Variants in SLIT3 observed in about 807,000 individuals in gnomAD.
SLIT3 encodes the protein slit homolog 3 protein.
Under a neutral mutation model 184.0 loss-of-function variants are expected in SLIT3, and 68 were observed. The observed-to-expected ratio is 0.37, with a 90% CI of 0.30 to 0.45. The LOEUF (loss-of-function observed/expected upper bound fraction) is 0.45. SLIT3 is among the 20% of genes least tolerant of loss of function. The pLI is 1.00. For missense variants in SLIT3, 1,707 were observed against 2,026.0 expected (o/e 0.84, Z 3.02); for synonymous variants, 831 against 828.6 (o/e 1.00, Z -0.05).
chr5:169,202,921 C>T lies in SLIT3; in HGVS notation c.342-9371G>A, dbSNP rs189938334. On this transcript the variant is annotated intron_variant, in intron 3 of 35. Transcript: ENST00000519560. ...AATGTAGAGTACATAATGGCCTGAG[C>T]CTGCCTTGCCTCTGACCCCTGCCCT... Among the ~76,000 whole-genome samples, 1,111 of 152,178 alleles carry T rather than the reference C, an allele frequency of 7.3e-3. 3 individuals carry two copies. The highest frequency in any genetic ancestry group is 0.012 in the Non-Finnish European group (819 of 68,020).
chr5:168,816,585 T>C (rs1757340703), intron 8 of SLIT3, among the ~76,000 whole-genome samples: 1 of 152,218 alleles, frequency 6.6e-6, no homozygotes, highest in South Asian at 2.1e-4. Flanking sequence ...GTTATGTGTC[T>C]GCATCATTCT....
chr5:168,806,590 G>A lies in SLIT3; in HGVS notation c.794-3C>T. The A allele has an allele frequency of 6.2e-7, 1 of 1,614,006 alleles. No individual in the cohort carries two copies. The highest frequency in any genetic ancestry group is 2.2e-5 in the East Asian group (1 of 44,884). ...GGATGGGGGCTCCGAGTGGGGGGCT[G>A]TGGAGCCAAGACACAACGGTCAACT... is the stretch of plus-strand genomic sequence containing the variant. On this transcript the variant is annotated splice_polypyrimidine_tract_variant and splice_region_variant and intron_variant, in intron 8 of 35. Coordinates refer to ENST00000519560, the MANE Select transcript of SLIT3 (RefSeq NM_003062.4).
At chr5:169,039,625 A>C (rs781063297) in intron 4 of SLIT3, among the ~76,000 whole-genome samples, 8 of 152,118 alleles carry the variant, frequency 5.3e-5, no homozygotes, top group Non-Finnish European at 2.9e-5. Context: ...CCAGGAGTTA[A>C]GTTCTTTGTC....
chr5:168,812,904 G>A (rs576156757), intron 8 of SLIT3, among the ~76,000 whole-genome samples: 2 of 151,450 alleles, frequency 1.3e-5, no homozygotes, highest in African/African-American at 4.8e-5. Flanking sequence ...AAAAAAAGAC[G>A]ATGAAAAGGG....
At position 168,795,567 on chromosome 5, in the gene SLIT3, T is replaced by A. The variant is rs746392419; in HGVS notation, c.947A>T (p.Gln316Leu). Residue 316 changes from glutamine to leucine, a missense_variant, in exon 10 of 36, where the codon CAG becomes CTG. Gln to Leu is a moderately radical substitution (Grantham distance 113, BLOSUM62 -2). This residue lies in a region of SLIT3 where 1,307 missense variants were observed against 1,511.6 expected (regional missense o/e 0.86). Transcript: ENST00000519560. ...TGCAGGGATGGCTTTGATGGAGTTC[T>A]GTTCTAGGCGTCTGGGAAACAGAGC... is the stretch of plus-strand genomic sequence containing the variant. ...PEGIVEIRLE[Q>L]NSIKAIPAGA... is the part of the protein sequence containing the mutation. 1 of 1,613,804 alleles carries A rather than the reference T, an allele frequency of 6.2e-7. No individual in the cohort carries two copies. Among genetic ancestry groups the A allele is most frequent in the Admixed American group, 1.7e-5 (1 of 60,026 alleles).
intron 6 of SLIT3, among the ~76,000 whole-genome samples, chr5:168,835,624 C>T (rs921582123): frequency 2.4e-4 from 37 of 151,872 alleles, no homozygotes; most frequent in African/African-American, 7.3e-4. Context: ...GACTGGCCAA[C>T]GTGGTGAAAC....
chr5:169,245,225 T>G (rs1581097137), intron 2 of SLIT3, among the ~76,000 whole-genome samples: 1 of 152,126 alleles, frequency 6.6e-6, no homozygotes, highest in South Asian at 2.1e-4. Flanking sequence ...CGACTGGCTG[T>G]CGCTAAGAAA....
chr5:169,150,136 C>A (rs901872682), intron 4 of SLIT3, among the ~76,000 whole-genome samples: 1 of 152,124 alleles, frequency 6.6e-6, no homozygotes, highest in Non-Finnish European at 1.5e-5. Flanking sequence ...AGCAACAAAT[C>A]AACAAATAAT....
intron 4 of SLIT3, among the ~76,000 whole-genome samples, chr5:168,956,434 G>C (rs955050888): frequency 2.0e-5 from 3 of 152,096 alleles, no homozygotes; most frequent in African/African-American, 7.2e-5. Context: ...GAAATATTTA[G>C]GTTTATTAAA....
In SLIT3 at chr5:168,696,365, G is replaced by A. The variant is rs564660437; in HGVS notation, c.3009C>T (p.Asn1003=). ...CEINPDDCED[N]DCENNATCVD... is the part of the protein sequence containing the mutation. ...CGCAGGTGGCATTGTTTTCGCAGTC[G>A]TTGTCCTCACAGTCATCTGGGTTGA... Residue 1003 remains asparagine, a synonymous_variant, in exon 28 of 36, where the codon AAC becomes AAT. Coordinates refer to ENST00000519560, the MANE Select transcript of SLIT3 (RefSeq NM_003062.4). The A allele has an allele frequency of 2.4e-5, 38 of 1,614,010 alleles. No individual in the cohort carries two copies. The highest frequency in any genetic ancestry group is 4.4e-5 in the South Asian group (4 of 91,078).
chr5:168,817,537 G>GGCTGTC (rs2113657168), intron 7 of SLIT3, 74 bp from the exon 8 acceptor site: 1 of 1,468,642 alleles, frequency 6.8e-7, no homozygotes, highest in African/African-American at 1.4e-5. Flanking sequence ...CAGACAGAGT[G>GGCTGTC]ACCAAAACCC....
intron 6 of SLIT3, among the ~76,000 whole-genome samples, chr5:168,828,280 G>A (rs1757765642): frequency 6.6e-6 from 1 of 152,084 alleles, no homozygotes; most frequent in East Asian, 1.9e-4. Context: ...CAAGAGAGAC[G>A]ACAGGTGAAT....
rs535043578 is a variant in SLIT3, at chr5:168,969,621, C to T, written c.414-86285G>A. On this transcript the variant is annotated intron_variant, in intron 4 of 35. Transcript: ENST00000519560. ...ACCGGATGGGGCTGCTCCGCTCAATCTGGCTGATAAACACATCTAGATGGT... is the reference window on the plus strand; with the variant it reads ...ACCGGATGGGGCTGCTCCGCTCAATTTGGCTGATAAACACATCTAGATGGT... Among the ~76,000 whole-genome samples the T allele has an allele frequency of 2.0e-5, 3 of 152,366 alleles. No homozygotes were observed. In the East Asian group the frequency reaches 5.8e-4, roughly 29 times the overall value.
chr5:168,856,208 CTA>C (rs1216114345), intron 5 of SLIT3, among the ~76,000 whole-genome samples: 1 of 152,164 alleles, frequency 6.6e-6, no homozygotes, highest in African/African-American at 2.4e-5. Flanking sequence ...ACGGTTAGTT[CTA>C]TGTTATGTGA....
chr5:168,947,827 C>T (rs1314681029), intron 4 of SLIT3, among the ~76,000 whole-genome samples: 1 of 152,096 alleles, frequency 6.6e-6, no homozygotes, highest in Non-Finnish European at 1.5e-5. Flanking sequence ...TGCTATGTCA[C>T]TCAGGCTGGA....
At chr5:169,294,165 A>C (rs1006245621) in intron 1 of SLIT3, among the ~76,000 whole-genome samples, 14 of 152,084 alleles carry the variant, frequency 9.2e-5, no homozygotes, top group Non-Finnish European at 1.9e-4. Context: ...GCCTGCTAGG[A>C]AATACAGCTG....
At chr5:168,956,382 T>C (rs1212093978) in intron 4 of SLIT3, among the ~76,000 whole-genome samples, 1 of 152,214 alleles carries the variant, frequency 6.6e-6, no homozygotes, top group Non-Finnish European at 1.5e-5. Flanking sequence ...TCTACATTTA[T>C]GTAGGCAATA....
At chr5:169,212,163 T>C (rs918390968) in intron 3 of SLIT3, among the ~76,000 whole-genome samples, 5 of 151,694 alleles carry the variant, frequency 3.3e-5, no homozygotes, top group African/African-American at 4.8e-5. Flanking sequence ...GGTCAAATGG[T>C]ATTTCTAGTT....
chr5:169,237,178 C>T (rs375565871), intron 3 of SLIT3, among the ~76,000 whole-genome samples: 10 of 152,196 alleles, frequency 6.6e-5, no homozygotes, highest in Admixed American at 2.0e-4. Context: ...AGTTCAGTGA[C>T]GCTGATGCAT....
Sources: gnomAD v4.1 joint callset for allele counts (sites outside exome capture counted in the v4.1 genomes callset) on GRCh38, gnomAD v4.1.1 for gene constraint, gnomAD v4.1.1 regional missense constraint, MANE v1.5 for transcripts, NCBI Gene and HGNC (gene_info 2026-07-23, HGNC 2026-07-21) for gene names.